The following PLS3 variants were observed in gnomAD, a reference collection of about 807,000 sequenced individuals.
PLS3 encodes the protein plastin-3.
A neutral mutation model predicts 46.5 loss-of-function variants in PLS3; 11 were observed. The observed-to-expected ratio is 0.24, with a 90% confidence interval of 0.15 to 0.39. PLS3 has a LOEUF of 0.39. PLS3 is among the 10% of genes least tolerant of loss of function. The pLI is 1.00. For missense variants in PLS3, 308 were observed against 461.8 expected (o/e 0.67, Z 3.05); for synonymous variants, 167 against 162.2 (o/e 1.03, Z -0.22).
chrX:115,646,858 A>G (rs1253882186), intron 13 of PLS3, among the ~76,000 whole-genome samples: 1 of 112,389 alleles, frequency 8.9e-6, no homozygotes, highest in Non-Finnish European at 1.9e-5. Context: ...ATTTGAAAAT[A>G]AAGATCTCTC....
At chrX:115,589,776 T>G (rs782504275) in intron 1 of PLS3, among the ~76,000 whole-genome samples, 3 of 112,393 alleles carry the variant, frequency 2.7e-5, no homozygotes, top group Non-Finnish European at 5.6e-5. Flanking sequence ...GATACTTATG[T>G]GAAACTCCCA....
chrX:115,597,928 A>G (rs1421427726), intron 1 of PLS3, among the ~76,000 whole-genome samples: 3 of 111,287 alleles, frequency 2.7e-5, no homozygotes, highest in African/African-American at 9.8e-5. Context: ...TAGACCTGAA[A>G]AATAACTTTC....
At chrX:115,626,697 T>A (rs1556638546) in intron 3 of PLS3, among the ~76,000 whole-genome samples, 1 of 111,218 alleles carries the variant, frequency 9.0e-6, no homozygotes, top group African/African-American at 3.3e-5. Flanking sequence ...GTCATGTAAC[T>A]TTTGCAAGAC....
intron 1 of PLS3, among the ~76,000 whole-genome samples, chrX:115,579,127 C>T (rs2074265940): frequency 1.8e-5 from 2 of 111,993 alleles, no homozygotes; most frequent in Middle Eastern, 4.6e-3. Flanking sequence ...ATAATTTTGT[C>T]ATTTAAAAAT....
At chrX:115,608,790 A>G (rs1269166243) in intron 1 of PLS3, among the ~76,000 whole-genome samples, 2 of 111,550 alleles carry the variant, frequency 1.8e-5, no homozygotes, top group Non-Finnish European at 3.8e-5. Context: ...AGGTTTGTGT[A>G]CGTGCACTCT....
chrX:115,604,933 T>C (rs1319848674), intron 1 of PLS3, among the ~76,000 whole-genome samples: 2 of 112,164 alleles, frequency 1.8e-5, no homozygotes, highest in Non-Finnish European at 3.8e-5. Flanking sequence ...GGACAGACCA[T>C]TTTTTAATTC....
chrX:115,646,014 A>G (rs1358418487), intron 11 of PLS3, 58 bp from the exon 12 acceptor site: 2 of 622,307 alleles, frequency 3.2e-6, no homozygotes, highest in African/African-American at 4.4e-5. Flanking sequence ...ACTGTTTTTA[A>G]GGAAAGTCAA....
chrX:115,573,040 C>G (rs1474341547), intron 1 of PLS3, among the ~76,000 whole-genome samples: 2 of 102,525 alleles, frequency 2.0e-5, no homozygotes, highest in African/African-American at 7.3e-5. Context: ...TTGCAGTGAG[C>G]CGGGATTGCG....
intron 1 of PLS3, among the ~76,000 whole-genome samples, chrX:115,601,615 T>C (rs2074444848): frequency 9.2e-6 from 1 of 108,887 alleles, no homozygotes; most frequent in South Asian, 3.9e-4. Context: ...ACATGTACCC[T>C]AGAACTTAAA....
At chrX:115,584,127 T>C (rs1232998286) in intron 1 of PLS3, among the ~76,000 whole-genome samples, 1 of 112,063 alleles carries the variant, frequency 8.9e-6, no homozygotes, top group Non-Finnish European at 1.9e-5. Context: ...AGTAGATGCC[T>C]TTTATCCTTA....
intron 1 of PLS3, among the ~76,000 whole-genome samples, chrX:115,574,942 A>G (rs1458934757): frequency 9.0e-6 from 1 of 111,473 alleles, no homozygotes; most frequent in Non-Finnish European, 1.9e-5. Flanking sequence ...TCACCAGTCA[A>G]TTTTCAAACA....
At chrX:115,573,435 T>C (rs1232414431) in intron 1 of PLS3, among the ~76,000 whole-genome samples, 1 of 112,299 alleles carries the variant, frequency 8.9e-6, no homozygotes, top group East Asian at 2.8e-4. Context: ...CATTTAGTTT[T>C]TACAAAAATA....
intron 2 of PLS3, chrX:115,610,660 C>T: frequency 3.2e-6 from 1 of 308,476 alleles, no homozygotes. Flanking sequence ...TATCTCATAT[C>T]TTTCTGAAGA....
At chrX:115,588,032 T>C (rs1427620421) in intron 1 of PLS3, among the ~76,000 whole-genome samples, 1 of 112,374 alleles carries the variant, frequency 8.9e-6, no homozygotes, top group Non-Finnish European at 1.9e-5. Context: ...TATAATGAAA[T>C]GTATCAGCAT....
chrX:115,648,599 G>A (rs2074974719), intron 15 of PLS3, among the ~76,000 whole-genome samples: 1 of 110,733 alleles, frequency 9.0e-6, no homozygotes, highest in African/African-American at 3.3e-5. Context: ...CTTCATGGGT[G>A]ACCCATGAAA....
In PLS3 at chrX:115,621,551, G is replaced by GT. The variant is rs1326359820; in HGVS notation, c.74-685dup. Among the ~76,000 whole-genome samples, 34 of 107,122 alleles carry GT rather than the reference G, an allele frequency of 3.2e-4. No individual in the cohort carries two copies. The East Asian group carries it at 4.4e-3, about 14-fold the overall frequency. 93.0% of individuals were successfully genotyped at this position (107,122 alleles called of 115,157 possible). A position where few individuals can be genotyped will look rare whatever the true frequency, so the allele number is the denominator to read the frequency against. ...AAATTAACTTTTGGTCATTGATCAG[G>GT]TTTTTTTTTTCTATTTTTAAAAGCT... is the stretch of plus-strand genomic sequence containing the variant. On this transcript the variant is annotated intron_variant, in intron 2 of 15. Transcript: ENST00000355899.
chrX:115,587,144 A>G (rs2074314183), intron 1 of PLS3, among the ~76,000 whole-genome samples: 1 of 112,557 alleles, frequency 8.9e-6, no homozygotes, highest in Non-Finnish European at 1.9e-5. Context: ...AAGCTGCTGA[A>G]TCAAGATAGT....
intron 1 of PLS3, among the ~76,000 whole-genome samples, chrX:115,578,491 T>A (rs1050023572): frequency 1.0e-4 from 11 of 110,325 alleles, no homozygotes; most frequent in African/African-American, 3.6e-4. Context: ...TTTGGGAGGC[T>A]GAGGCAGGCG....
At chrX:115,608,654 G>T (rs1315041629) in intron 1 of PLS3, among the ~76,000 whole-genome samples, 16 of 111,815 alleles carry the variant, frequency 1.4e-4, no homozygotes, top group African/African-American at 5.2e-4. Context: ...TCTATGTTTA[G>T]ATATACGGAT....
Sources: gnomAD v4.1 joint callset for allele counts (sites outside exome capture counted in the v4.1 genomes callset) on GRCh38, gnomAD v4.1.1 for gene constraint, MANE v1.5 for transcripts, NCBI Gene and HGNC (gene_info 2026-07-23, HGNC 2026-07-21) for gene names.